The following BAZ2A variants were observed in gnomAD, a reference collection of about 807,000 sequenced individuals.
The protein encoded by BAZ2A is bromodomain adjacent to zinc finger domain protein 2A.
BAZ2A carries 34 observed loss-of-function variants against 199.9 expected under a neutral mutation model. The observed-to-expected ratio is 0.17, with a 90% CI of 0.13 to 0.23. The LOEUF (loss-of-function observed/expected upper bound fraction) is 0.23. Ranked by LOEUF, BAZ2A falls within the 10% of genes least tolerant of loss-of-function variation. The pLI is 1.00. For synonymous variants in BAZ2A, 857 were observed against 883.9 expected (o/e 0.97, Z 0.54); for missense variants, 2,002 against 2,391.1 (o/e 0.84, Z 3.39).
At chr12:56,610,626 C>G in intron 7 of BAZ2A, 109 bp from the exon 8 acceptor site, 1 of 918,708 alleles carries the variant, frequency 1.1e-6, no homozygotes, top group Non-Finnish European at 1.7e-6. Context: ...ATTTGTATCT[C>G]TAGAACTGCA....
chr12:56,630,652 G>T, upstream of BAZ2A: 1 of 570,188 alleles, frequency 1.8e-6, no homozygotes, highest in Non-Finnish European at 2.2e-6. Context: ...GTAAGAGTCA[G>T]GGGAATTTCG....
At position 56,609,753 on chromosome 12, in the gene BAZ2A, T is replaced by G. The variant is rs1202168426; in HGVS notation, c.2075A>C (p.Lys692Thr). ...CACTGTACCTTGGGCCTCCAGTTTCTTTAGGGGGCGGTTGTCTGTCTTGTT... is the reference window on the plus strand; with the variant it reads ...CACTGTACCTTGGGCCTCCAGTTTCGTTAGGGGGCGGTTGTCTGTCTTGTT... Reference protein sequence around the residue: ...LLNKTDNRPLKKLEAQETLNE... With the variant: ...LLNKTDNRPLTKLEAQETLNE... Residue 692 changes from lysine (K) to threonine (T), a missense_variant, in exon 10 of 29, where the codon AAG (lysine) becomes ACG (threonine). By Grantham distance (78) the Lys-to-Thr change is moderately conservative. Transcript: ENST00000549884. 1 of 1,613,828 alleles carries G rather than the reference T, an allele frequency of 6.2e-7. No individual in the cohort carries two copies. The highest frequency in any genetic ancestry group is 8.5e-7 in the Non-Finnish European group (1 of 1,179,828).
Position 56,598,472 on chromosome 12 carries a change from T to C in BAZ2A, c.*146A>G, listed in dbSNP as rs1484453344. ...AAAGGGATGTAGGAATAAGAGGATG[T>C]GGGGCACTGCCAAGGGCAAGGTCAA... On this transcript the variant is annotated 3_prime_UTR_variant, in exon 29 of 29. Transcript: ENST00000549884. 1 of 969,430 alleles carries C rather than the reference T, an allele frequency of 1.0e-6. No homozygotes were observed. Among genetic ancestry groups the C allele is most frequent in the East Asian group, 2.6e-5 (1 of 38,008 alleles). 60.1% of individuals were successfully genotyped at this position (969,430 alleles called of 1,614,324 possible). A position where few individuals can be genotyped will look rare whatever the true frequency, so the allele number is the denominator to read the frequency against.
chr12:56,608,241 G>A (rs796833609), intron 10 of BAZ2A, among the ~76,000 whole-genome samples: 34 of 151,740 alleles, frequency 2.2e-4, no homozygotes, highest in East Asian at 5.9e-4. Context: ...GTGTGGTGGC[G>A]TGCACCTGTA....
At chr12:56,628,381 A>G (rs1418260856) in intron 1 of BAZ2A, among the ~76,000 whole-genome samples, 1 of 152,098 alleles carries the variant, frequency 6.6e-6, no homozygotes, top group East Asian at 1.9e-4. Context: ...AGAAAAAAAA[A>G]ATCTGGGCAC....
At position 56,602,724 on chromosome 12, in the gene BAZ2A, T is replaced by G. The variant is rs1950217802; in HGVS notation, c.3413A>C (p.Glu1138Ala). 6.2e-7 allele frequency: 1 copy of G among 1,613,858 alleles called. No individual in the cohort carries two copies. The highest frequency in any genetic ancestry group is 1.7e-5 in the Admixed American group (1 of 60,024). Residue 1138 changes from glutamate (E) to alanine (A), a missense_variant, in exon 19 of 29, where the codon GAG (glutamate) becomes GCG (alanine). By Grantham distance (107) the Glu-to-Ala change is moderately radical (BLOSUM62 -1). Transcript: ENST00000549884. ...YLAGIFVEGT[E>A]GNLVPEEVIK... ...ACAGGCACACCTACCTAAGTTCCCC[T>G]CTGTTCCTTCTACAAAGATACCAGC...
At chr12:56,632,178 C>G (rs1173315289), upstream of BAZ2A, among the ~76,000 whole-genome samples, 1 of 152,184 alleles carries the variant, frequency 6.6e-6, no homozygotes, top group Non-Finnish European at 1.5e-5. Flanking sequence ...AGAGGTCACA[C>G]TCAGGGTAGA....
rs1237068505 is a variant in BAZ2A, at chr12:56,601,929, G to C, written c.3688C>G (p.Gln1230Glu). 4 of 1,587,158 alleles carry C rather than the reference G, an allele frequency of 2.5e-6. 1 individual carries two copies. In the Admixed American group the frequency reaches 7.4e-5, roughly 29 times the overall value. Residue 1230 changes from glutamine to glutamate, a missense_variant, in exon 20 of 29, where the codon CAG becomes GAG. Transcript: ENST00000549884. ...TGAAGCTGAAGCTGAGGCTGGGGCTGGGCAGGAGCATGAAGCTGAGCCTCA... is the reference window on the plus strand; with the variant it reads ...TGAAGCTGAAGCTGAGGCTGGGGCTCGGCAGGAGCATGAAGCTGAGCCTCA... ...QPEAQLHAPA[Q>E]PQPQLQLQLQ...
intron 5 of BAZ2A, 80 bp from the exon 6 acceptor site, chr12:56,612,326 T>C: frequency 7.9e-7 from 1 of 1,264,238 alleles, no homozygotes; most frequent in Non-Finnish European, 1.1e-6. Flanking sequence ...CAGTCAACCC[T>C]GGACCAAGCT....
rs375214190 is a variant in BAZ2A, at chr12:56,627,002, ATGC to A, written c.-3+3120_-3+3122del. ...AACAGCCCCAGTGAGAAGAGCAATG[ATGC>A]TGCTATCTTACTAGTGATGATGCCA... On this transcript the variant is annotated intron_variant, in intron 1 of 28. Transcript: ENST00000549884. Among the ~76,000 whole-genome samples, 366 of 152,340 alleles carry A rather than the reference ATGC, an allele frequency of 2.4e-3. 2 individuals are homozygous for A. Among genetic ancestry groups the A allele is most frequent in the African/African-American group, 8.2e-3 (339 of 41,568 alleles).
chr12:56,620,810 C>T (rs148384715), intron 1 of BAZ2A, among the ~76,000 whole-genome samples: 74 of 152,218 alleles, frequency 4.9e-4, no homozygotes, highest in African/African-American at 1.7e-3. Context: ...ATCGACCCAC[C>T]GCGGCCTCCC....
chr12:56,624,630 A>AG (rs1565835281), intron 1 of BAZ2A, among the ~76,000 whole-genome samples: 1 of 152,084 alleles, frequency 6.6e-6, no homozygotes, highest in East Asian at 1.9e-4. Flanking sequence ...AAAAAAAAAA[A>AG]AAAACTCAGC....
intron 1 of BAZ2A, among the ~76,000 whole-genome samples, chr12:56,621,410 C>A (rs1950918440): frequency 6.6e-6 from 1 of 152,064 alleles, no homozygotes; most frequent in Non-Finnish European, 1.5e-5. Flanking sequence ...ACCACAACCA[C>A]TTCATTTACG....
Position 56,596,441 on chromosome 12 carries a change from C to T in BAZ2A, c.*2177G>A, listed in dbSNP as rs1592539573. On this transcript the variant is annotated 3_prime_UTR_variant, in exon 29 of 29. Transcript: ENST00000549884. The stretch of plus-strand genomic sequence containing the variant: ...CCGCTCCAGCCCCCACTTCTTCAAA[C>T]TGAGGCTAGGACCCCACCCCGCCAT... 1 of 151,402 alleles carries T rather than the reference C, an allele frequency of 6.6e-6. No individual in the cohort carries two copies. The highest frequency in any genetic ancestry group is 1.5e-5 in the Non-Finnish European group (1 of 67,752). 9.4% of individuals were successfully genotyped at this position (151,402 alleles called of 1,614,324 possible). A position where few individuals can be genotyped will look rare whatever the true frequency, so the allele number is the denominator to read the frequency against.
intron 10 of BAZ2A, among the ~76,000 whole-genome samples, chr12:56,607,521 G>A (rs1349148347): frequency 6.6e-6 from 1 of 152,078 alleles, no homozygotes; most frequent in African/African-American, 2.4e-5. Context: ...ACAGGCGCGT[G>A]CCACCACGCC....
At chr12:56,633,973 T>C (rs1034465700), upstream of BAZ2A, among the ~76,000 whole-genome samples, 2 of 152,154 alleles carry the variant, frequency 1.3e-5, no homozygotes, top group Non-Finnish European at 2.9e-5. Context: ...CCTCAAGTGA[T>C]CTGCCCACCT....
intron 2 of BAZ2A, among the ~76,000 whole-genome samples, chr12:56,616,490 A>G (rs551556715): frequency 2.6e-4 from 39 of 152,222 alleles, no homozygotes; most frequent in African/African-American, 8.9e-4. Flanking sequence ...GCCCTTCCCT[A>G]TAGGCATTGG....
intron 5 of BAZ2A, among the ~76,000 whole-genome samples, chr12:56,612,458 T>C: frequency 6.6e-6 from 1 of 152,108 alleles, no homozygotes; most frequent in Middle Eastern, 3.2e-3. Context: ...AGAAATACCT[T>C]TTACCTGGTG....
chr12:56,630,803 T>C (rs965677978), upstream of BAZ2A: 6 of 985,502 alleles, frequency 6.1e-6, no homozygotes, highest in Non-Finnish European at 7.2e-6. Flanking sequence ...AGCCTGGTCC[T>C]GCCTGGATCA....
Sources: allele counts gnomAD v4.1 joint callset (sites outside exome capture counted in the v4.1 genomes callset), GRCh38; gene constraint gnomAD v4.1.1; transcripts MANE v1.5; gene names NCBI Gene and HGNC (gene_info 2026-07-23, HGNC 2026-07-21).